The following SUCLA2 variants were observed in gnomAD, a reference collection of about 807,000 sequenced individuals.
SUCLA2 encodes succinate-CoA ligase ADP-forming subunit beta, also known as succinate--CoA ligase [ADP-forming] subunit beta, mitochondrial.
In SUCLA2, 30 loss-of-function variants were observed where a neutral mutation model predicts 54.8. The ratio of observed to expected loss-of-function variants is 0.55; its 90% CI spans 0.41 to 0.74. SUCLA2 has a LOEUF of 0.74. Among genes scored for constraint, SUCLA2 ranks in the 30% least tolerant of loss-of-function variants. The pLI, the probability that SUCLA2 is intolerant of heterozygous loss-of-function variation, is 0.00. For synonymous variants in SUCLA2, 172 were observed against 188.9 expected, an observed-to-expected ratio of 0.91 and a Z score of 0.74; for missense variants, 476 against 562.9, an observed-to-expected ratio of 0.85 and a Z score of 1.56.
intron 1 of SUCLA2, 195 bp downstream of exon 1, chr13:48,000,985 G>A (rs897773339): frequency 1.0e-5 from 15 of 1,443,596 alleles, no homozygotes; most frequent in Non-Finnish European, 1.3e-5. Flanking sequence ...TAAGGGCTGG[G>A]TCAGAGCCGC....
intron 6 of SUCLA2, among the ~76,000 whole-genome samples, chr13:47,959,503 G>GGGA (rs71099649): frequency 0.037 from 695 of 18,744 alleles, 4 homozygotes; most frequent in Middle Eastern, 0.094. Flanking sequence ...GGGGAGCGGG[G>GGGA]GGAGGAGGAG....
At chr13:48,000,709 C>A (rs183743698) in intron 1 of SUCLA2, among the ~76,000 whole-genome samples, 1 of 152,198 alleles carries the variant, frequency 6.6e-6, no homozygotes, top group Non-Finnish European at 1.5e-5. Context: ...CCTACCTTGC[C>A]CCACAAAAGG....
rs1307038790 is a variant in SUCLA2, at chr13:47,979,190, G to C, written c.535-5798C>G. On this transcript the variant is annotated intron_variant, in intron 4 of 10. Coordinates refer to ENST00000646932, the MANE Select transcript of SUCLA2 (RefSeq NM_003850.3). ...GTATATACCCAAAGATTATAAATCA[G>C]TATGTTTATTGTGGCATGATTCACA... 2.0e-5 allele frequency among the ~76,000 whole-genome samples: 3 copies of C among 150,890 alleles called. No homozygotes were observed. The East Asian group carries it at 5.8e-4, about 29-fold the overall frequency.
chr13:47,944,253 TGAA>T (rs1470227460), intron 10 of SUCLA2, among the ~76,000 whole-genome samples: 3 of 152,168 alleles, frequency 2.0e-5, no homozygotes, highest in African/African-American at 7.2e-5. Flanking sequence ...AGATAATCCT[TGAA>T]GAAAACAGCT....
chr13:47,989,098 A>T (rs548171078), intron 2 of SUCLA2, 117 bp from the exon 3 acceptor site: 1 of 995,762 alleles, frequency 1.0e-6, no homozygotes, highest in Non-Finnish European at 1.6e-6. Flanking sequence ...ATTTATTCAC[A>T]ATGTCCAAAA....
chr13:47,998,805 T>C (rs1950208335), intron 1 of SUCLA2, among the ~76,000 whole-genome samples: 1 of 152,226 alleles, frequency 6.6e-6, no homozygotes, highest in East Asian at 1.9e-4. Context: ...TTGTATATCT[T>C]GATGCAGACG....
In SUCLA2 at chr13:47,943,515, G is replaced by A. The variant is rs1949701926; in HGVS notation, c.1318-70C>T. 3 of 1,399,664 alleles carry A rather than the reference G, an allele frequency of 2.1e-6. No homozygotes were observed. The East Asian group carries it at 6.9e-5, about 32-fold the overall frequency. The allele number at this position is 1,399,664 out of a possible 1,614,324, so 86.7% of individuals were successfully genotyped here. ...AACTACAGGTCAGTGCAAAATTAAT[G>A]TACACTCAATTTTTTCCATTTAAAA... On this transcript the variant is annotated intron_variant, in intron 10 of 10. Coordinates refer to ENST00000646932, the MANE Select transcript of SUCLA2 (RefSeq NM_003850.3).
chr13:47,969,614 A>C (rs1288705555), intron 5 of SUCLA2, among the ~76,000 whole-genome samples: 2 of 152,222 alleles, frequency 1.3e-5, no homozygotes, highest in Non-Finnish European at 2.9e-5. Flanking sequence ...CAGAGGATAC[A>C]TGTCTATGTG....
chr13:47,984,987 CA>C (rs1466091235), intron 4 of SUCLA2, among the ~76,000 whole-genome samples: 2 of 151,962 alleles, frequency 1.3e-5, no homozygotes, highest in African/African-American at 4.8e-5. Context: ...TGACTCAGAC[CA>C]AAAGTACCCA....
In SUCLA2 at chr13:47,943,222, T is replaced by C; in HGVS notation, c.*149A>G. 1 of 798,322 alleles carries C rather than the reference T, an allele frequency of 1.3e-6. No individual in the cohort carries two copies. Among genetic ancestry groups the C allele is most frequent in the Non-Finnish European group, 2.2e-6 (1 of 450,472 alleles). 49.5% of individuals were successfully genotyped at this position (798,322 alleles called of 1,614,324 possible). A position where few individuals can be genotyped will look rare whatever the true frequency, so the allele number is the denominator to read the frequency against. On this transcript the variant is annotated 3_prime_UTR_variant, in exon 11 of 11. Transcript: ENST00000646932. ...GTCCATTCTGAATGGTACAATTAAA[T>C]GCAGTCCAAATCCTTTTAAATGTTT... is the stretch of plus-strand genomic sequence containing the variant.
intron 6 of SUCLA2, among the ~76,000 whole-genome samples, chr13:47,961,804 TTTATGACTGTC>T (rs1949873601): frequency 6.6e-6 from 1 of 152,238 alleles, no homozygotes; most frequent in Non-Finnish European, 1.5e-5. Context: ...CAACTGTGTC[TTTATGACTGTC>T]TTATGACTTT....
chr13:47,962,146 T>G (rs969706524), intron 6 of SUCLA2, among the ~76,000 whole-genome samples: 3 of 152,192 alleles, frequency 2.0e-5, no homozygotes, highest in Admixed American at 2.0e-4. Context: ...GTTTTTTGTT[T>G]TTCAGAGTCT....
intron 1 of SUCLA2, among the ~76,000 whole-genome samples, chr13:47,999,898 A>G (rs1313886158): frequency 6.6e-6 from 1 of 152,186 alleles, no homozygotes; most frequent in Non-Finnish European, 1.5e-5. Context: ...AAAGAAAATA[A>G]TATTGGAAAT....
rs111501157 is a variant in SUCLA2 at position 47,969,282 on chromosome 13, C to T, written c.664-549G>A. ...CAAAATATTAGAAGACCCTATTTTA[C>T]CTTTTGTATAATTTATAAAGAGTGT... is the stretch of plus-strand genomic sequence containing the variant. On this transcript the variant is annotated intron_variant, in intron 5 of 10. Transcript: ENST00000646932. Among the ~76,000 whole-genome samples, 11 of 150,916 alleles carry T rather than the reference C, an allele frequency of 7.3e-5. 1 individual carries two copies. Among genetic ancestry groups the T allele is most frequent in the African/African-American group, 2.7e-4 (11 of 41,486 alleles).
chr13:47,998,550 T>A (rs1274837757), intron 1 of SUCLA2, among the ~76,000 whole-genome samples: 1 of 152,140 alleles, frequency 6.6e-6, no homozygotes. Context: ...TATATAATAG[T>A]ATACTACAGA....
chr13:47,970,859 CA>C (rs375301919), intron 5 of SUCLA2, among the ~76,000 whole-genome samples: 1,698 of 148,258 alleles, frequency 0.011, 38 homozygotes, highest in African/African-American at 0.039. Context: ...GACTCCGTCT[CA>C]AAAAAAAAAT....
chr13:47,989,320 C>A (rs906953207), intron 2 of SUCLA2, among the ~76,000 whole-genome samples: 5 of 151,708 alleles, frequency 3.3e-5, no homozygotes, highest in African/African-American at 9.7e-5. Context: ...ACGCCATTCT[C>A]CTGCCTCAGC....
rs374732113 is a variant in SUCLA2 at position 47,988,991 on chromosome 13, A to G, written c.272-10T>C. 15 of 1,610,516 alleles carry G rather than the reference A, an allele frequency of 9.3e-6. No individual in the cohort carries two copies. In the African/African-American group the frequency reaches 1.5e-4, roughly 16 times the overall value. ...ACGACATCTTTTGAACCTAGAAGAA[A>G]AACACTTCTATTAAATATGAAGCAT... On this transcript the variant is annotated splice_polypyrimidine_tract_variant and intron_variant, in intron 2 of 10. Transcript: ENST00000646932.
chr13:47,948,915 C>G, intron 10 of SUCLA2, 25 bp downstream of exon 10: 2 of 1,605,502 alleles, frequency 1.2e-6, no homozygotes, highest in Non-Finnish European at 1.7e-6. Flanking sequence ...TATAAATCCT[C>G]CTTAGATGAA....
Sources: gnomAD v4.1 joint callset for allele counts (sites outside exome capture counted in the v4.1 genomes callset) on GRCh38, gnomAD v4.1.1 for gene constraint, MANE v1.5 for transcripts, NCBI Gene and HGNC (gene_info 2026-07-23, HGNC 2026-07-21) for gene names.